SNX8: variants seen among roughly 807,000 people sequenced by gnomAD.
SNX8 encodes the protein sorting nexin-8.
Under a neutral mutation model 51.6 loss-of-function variants are expected in SNX8, and 25 were observed. The observed-to-expected ratio is 0.48, with a 90% confidence interval of 0.35 to 0.68. The LOEUF is 0.68. SNX8 is among the 30% of genes least tolerant of loss of function. SNX8 has a pLI of 0.00. For missense variants in SNX8, 695 were observed against 624.0 expected (o/e 1.11, Z -1.21); for synonymous variants, 324 against 277.0 (o/e 1.17, Z -1.68).
intron 1 of SNX8, among the ~76,000 whole-genome samples, chr7:2,329,299 A>AT (rs919964879): frequency 6.5e-4 from 98 of 151,406 alleles, no homozygotes; most frequent in African/African-American, 2.3e-3. Context: ...ATAAAAATAA[A>AT]AAATAAATAA....
intron 1 of SNX8, among the ~76,000 whole-genome samples, chr7:2,322,390 C>T (rs577107056): frequency 6.6e-6 from 1 of 150,914 alleles, no homozygotes; most frequent in Non-Finnish European, 1.5e-5. Context: ...AGAGCAAGAC[C>T]CCATCACTTA....
Position 2,256,861 on chromosome 7 carries a change from A to G in SNX8, c.1284+13T>C. ...CCGTGGCCGAGACGGCGGCCGGAGC[A>G]GGGCGGACTCACCTCCTTGTGCCCT... On this transcript the variant is annotated intron_variant, in intron 10 of 10. Coordinates refer to ENST00000222990, the MANE Select transcript of SNX8 (RefSeq NM_013321.4). The G allele has an allele frequency of 6.2e-7, 1 of 1,605,554 alleles. No homozygotes were observed. Among genetic ancestry groups the G allele is most frequent in the Non-Finnish European group, 8.5e-7 (1 of 1,175,238 alleles).
chr7:2,266,854 A>C (rs576294397), intron 5 of SNX8, among the ~76,000 whole-genome samples: 5 of 152,230 alleles, frequency 3.3e-5, no homozygotes, highest in Non-Finnish European at 7.3e-5. Context: ...AACCAAAAAC[A>C]AAAAAACTAC....
chr7:2,261,217 G>C (rs917959372), intron 7 of SNX8, among the ~76,000 whole-genome samples: 1 of 152,220 alleles, frequency 6.6e-6, no homozygotes, highest in Non-Finnish European at 1.5e-5. Flanking sequence ...CGGATCACTT[G>C]AGGTCAGGAG....
intron 1 of SNX8, among the ~76,000 whole-genome samples, chr7:2,303,605 T>C (rs377623442): frequency 3.3e-5 from 5 of 152,216 alleles, no homozygotes; most frequent in Admixed American, 1.3e-4. Flanking sequence ...TTTTGTTCTG[T>C]ACTAAGAAAA....
chr7:2,338,352 C>T (rs1358006874), intron 1 of SNX8, among the ~76,000 whole-genome samples: 1 of 151,864 alleles, frequency 6.6e-6, no homozygotes, highest in Non-Finnish European at 1.5e-5. Context: ...ATCCCAGCTA[C>T]TCGGGAGGCT....
chr7:2,257,244 C>T, intron 9 of SNX8, 121 bp downstream of exon 9: 1 of 1,283,402 alleles, frequency 7.8e-7, no homozygotes, highest in Non-Finnish European at 1.1e-6. Flanking sequence ...CCACTGCACC[C>T]CCAGCTCTGT....
At chr7:2,296,752 T>A (rs1208805700) in intron 1 of SNX8, among the ~76,000 whole-genome samples, 1 of 150,816 alleles carries the variant, frequency 6.6e-6, no homozygotes, top group African/African-American at 2.5e-5. Context: ...CCAACATGGT[T>A]AAACCCCATC....
At chr7:2,335,718 G>C (rs1778814791) in intron 1 of SNX8, among the ~76,000 whole-genome samples, 1 of 150,250 alleles carries the variant, frequency 6.7e-6, no homozygotes, top group African/African-American at 2.5e-5. Flanking sequence ...CAGGCGAATG[G>C]CGTGAACCTG....
chr7:2,284,745 C>T (rs1056890636), intron 1 of SNX8, among the ~76,000 whole-genome samples: 13 of 151,856 alleles, frequency 8.6e-5, no homozygotes, highest in African/African-American at 2.4e-4. Flanking sequence ...GAATGAAAAA[C>T]GACAAGTCAG....
intron 1 of SNX8, among the ~76,000 whole-genome samples, chr7:2,328,893 G>A (rs1204441293): frequency 2.6e-5 from 4 of 152,088 alleles, no homozygotes; most frequent in Admixed American, 2.6e-4. Flanking sequence ...AGACCATCCT[G>A]GCTAACATGG....
In SNX8 at chr7:2,349,054, A is replaced by G. The variant is rs568473916; in HGVS notation, c.-66+5168T>C. 3.1e-3 allele frequency among the ~76,000 whole-genome samples: 468 copies of G among 151,648 alleles called. 2 individuals carry two copies. The highest frequency in any genetic ancestry group is 0.011 in the African/African-American group (447 of 41,384). Reference sequence around the variant, plus strand: ...TTTTTTTTCTTTAAAAAAATTGTAAAAAAGCCTGGTGAGGTGGCTTACACC... The same window carrying G: ...TTTTTTTTCTTTAAAAAAATTGTAAGAAAGCCTGGTGAGGTGGCTTACACC... On this transcript the variant is annotated intron_variant, in intron 1 of 5. Coordinates refer to the SNX8 transcript ENST00000435336.
At chr7:2,354,494 AC>A (rs1189196123), upstream of SNX8, among the ~76,000 whole-genome samples, 4 of 152,168 alleles carry the variant, frequency 2.6e-5, no homozygotes, top group African/African-American at 7.2e-5. Context: ...CATTCCGGGT[AC>A]TAAAATCATT....
chr7:2,337,536 T>C (rs1778853043), intron 1 of SNX8, among the ~76,000 whole-genome samples: 1 of 152,168 alleles, frequency 6.6e-6, no homozygotes, highest in Non-Finnish European at 1.5e-5. Flanking sequence ...AAATCTCCAA[T>C]GTATTTGGAA....
At chr7:2,271,711 G>C in intron 4 of SNX8, 139 bp downstream of exon 4, 2 of 942,398 alleles carry the variant, frequency 2.1e-6, no homozygotes, top group Non-Finnish European at 3.1e-6. Context: ...AAGGAAAGAA[G>C]TCTTGTCCAT....
intron 1 of SNX8, among the ~76,000 whole-genome samples, chr7:2,306,228 A>C (rs1010028580): frequency 1.3e-5 from 2 of 152,052 alleles, no homozygotes; most frequent in Non-Finnish European, 2.9e-5. Context: ...TGCAACCTCG[A>C]GCAATTCTCC....
chr7:2,267,308 C>G (rs1795489247), intron 5 of SNX8, among the ~76,000 whole-genome samples: 1 of 108,888 alleles, frequency 9.2e-6, no homozygotes, highest in African/African-American at 4.1e-5. Flanking sequence ...GGCCCTCTCC[C>G]TCCCCCTCCC....
chr7:2,323,060 T>A (rs1778560379), intron 1 of SNX8, among the ~76,000 whole-genome samples: 1 of 152,076 alleles, frequency 6.6e-6, no homozygotes, highest in Non-Finnish European at 1.5e-5. Flanking sequence ...CCAGGCATGG[T>A]GGCTTACACC....
At chr7:2,302,482 C>A (rs965224090) in intron 1 of SNX8, among the ~76,000 whole-genome samples, 1 of 152,228 alleles carries the variant, frequency 6.6e-6, no homozygotes, top group African/African-American at 2.4e-5. Flanking sequence ...CCTGCCTTGG[C>A]CTCCCAAAGT....
Sources: gnomAD v4.1 joint callset for allele counts (sites outside exome capture counted in the v4.1 genomes callset) on GRCh38, gnomAD v4.1.1 for gene constraint, MANE v1.5 for transcripts, NCBI Gene and HGNC (gene_info 2026-07-23, HGNC 2026-07-21) for gene names.